Variants in SP140L observed in about 807,000 individuals in gnomAD.
SP140L encodes nuclear body protein SP140-like protein.
SP140L carries 64 observed loss-of-function variants against 84.3 expected under a neutral mutation model. The observed-to-expected ratio is 0.76, with a 90% confidence interval of 0.62 to 0.94. The LOEUF is 0.94. Ranked by LOEUF, SP140L falls within the 40% of genes least tolerant of loss-of-function variation. The pLI is 0.00. For synonymous variants in SP140L, 242 were observed against 236.9 expected, an observed-to-expected ratio of 1.02 and a Z score of -0.20; for missense variants, 628 against 692.5, an observed-to-expected ratio of 0.91 and a Z score of 1.05.
intron 12 of SP140L, 38 bp from the exon 13 acceptor site, chr2:230,393,376 G>A (rs749149979): frequency 1.3e-5 from 20 of 1,559,046 alleles, no homozygotes; most frequent in Middle Eastern, 3.3e-4. Flanking sequence ...AAACAGAAAC[G>A]CAGGCTGACT....
chr2:230,377,444 G>A (rs2061278915), intron 7 of SP140L, among the ~76,000 whole-genome samples: 1 of 152,134 alleles, frequency 6.6e-6, no homozygotes, highest in South Asian at 2.1e-4. Flanking sequence ...TAATGCTTTT[G>A]AGATACATCC....
chr2:230,362,602 T>G (rs2149742730), intron 5 of SP140L, among the ~76,000 whole-genome samples: 1 of 134,042 alleles, frequency 7.5e-6, no homozygotes, highest in South Asian at 2.5e-4. Context: ...AACCATGTTA[T>G]TAACAGCTCA....
At chr2:230,394,603 C>T (rs75468189) in intron 13 of SP140L, among the ~76,000 whole-genome samples, 40,691 of 152,062 alleles carry the variant, frequency 0.27, 5,763 homozygotes, top group Non-Finnish European at 0.31. Flanking sequence ...AGTAACTCAG[C>T]CTGGGTGACC....
rs1012814978 is a variant in SP140L at position 230,371,792 on chromosome 2, T to C, written c.637+141T>C. 1.2e-5 allele frequency: 9 copies of C among 727,916 alleles called. No homozygotes were observed. The African/African-American group carries it at 1.4e-4, about 12-fold the overall frequency. The allele number at this position is 727,916 out of a possible 1,614,324, so 45.1% of individuals were successfully genotyped here. ...AGAATGATGGCCACCCCAAAAAACG[T>C]CCACCTCCTAATCCCTGGACCTGTA... is the stretch of plus-strand genomic sequence containing the variant. On this transcript the variant is annotated intron_variant, in intron 7 of 18. Coordinates refer to ENST00000415673, the MANE Select transcript of SP140L (RefSeq NM_138402.6).
chr2:230,357,850 C>A lies in SP140L; in HGVS notation c.153C>A (p.Asp51Glu). The A allele has an allele frequency of 6.2e-7, 1 of 1,613,990 alleles. No individual in the cohort carries two copies. Among genetic ancestry groups the A allele is most frequent in the African/African-American group, 1.3e-5 (1 of 75,036 alleles). The part of the protein sequence containing the change: ...DQDVDEGLVY[D>E]TVFKHFKRHK... ...ATGTAGATGAGGGACTTGTCTATGA[C>A]ACTGTATTCAAGCACTTCAAAAGAC... is the stretch of plus-strand genomic sequence containing the variant. The change falls in exon 3 of 19, where the codon GAC (aspartate) becomes GAA (glutamate). Residue 51 changes from aspartate to glutamate, a missense_variant. Asp to Glu is a conservative substitution (Grantham distance 45, BLOSUM62 2). This residue lies in a region of SP140L where 525 missense variants were observed against 518.4 expected (regional missense o/e 1.01). Transcript: ENST00000415673.
chr2:230,376,622 A>T (rs1033903854), intron 7 of SP140L, among the ~76,000 whole-genome samples: 1 of 152,240 alleles, frequency 6.6e-6, no homozygotes, highest in Non-Finnish European at 1.5e-5. Context: ...AAACTGGAAG[A>T]ATATTGTTAA....
chr2:230,357,785 T>C lies in SP140L; in HGVS notation c.108-20T>C. On this transcript the variant is annotated intron_variant, in intron 2 of 18. Transcript: ENST00000415673. ...TCAGAATCTTGATGACCATTTTCAT[T>C]TGGTGTCCTTTTTCCTTAGGCTGTT... The C allele has an allele frequency of 8.2e-6, 13 of 1,588,940 alleles. No individual in the cohort carries two copies. The highest frequency in any genetic ancestry group is 1.1e-5 in the South Asian group (1 of 87,172).
intron 4 of SP140L, among the ~76,000 whole-genome samples, chr2:230,361,398 C>T (rs1305155405): frequency 1.3e-5 from 2 of 152,194 alleles, no homozygotes; most frequent in African/African-American, 2.4e-5. Flanking sequence ...TTCCATTACT[C>T]CTTTATCCTT....
intron 15 of SP140L, 42 bp downstream of exon 15, chr2:230,400,284 C>T (rs1182413335): frequency 1.3e-6 from 2 of 1,589,334 alleles, no homozygotes; most frequent in South Asian, 1.1e-5. Flanking sequence ...CTTTAAGGGA[C>T]CTTCCACCTG....
chr2:230,339,938 G>C (rs926215828), intron 2 of SP140L, among the ~76,000 whole-genome samples: 5 of 150,914 alleles, frequency 3.3e-5, no homozygotes, highest in African/African-American at 1.2e-4. Context: ...TTTTGGAATA[G>C]GTGTGGTGCT....
intron 2 of SP140L, among the ~76,000 whole-genome samples, chr2:230,349,937 G>C (rs2060317112): frequency 6.6e-6 from 1 of 151,988 alleles, no homozygotes. Flanking sequence ...TGAATCCAGG[G>C]GGCAGAGGTT....
intron 13 of SP140L, among the ~76,000 whole-genome samples, chr2:230,395,359 C>T (rs1330494568): frequency 1.3e-5 from 2 of 152,040 alleles, no homozygotes; most frequent in African/African-American, 2.4e-5. Flanking sequence ...GGGAGGATGA[C>T]TTGAGCTCAG....
intron 2 of SP140L, among the ~76,000 whole-genome samples, chr2:230,350,995 G>T (rs1054085660): frequency 6.6e-6 from 1 of 152,096 alleles, no homozygotes; most frequent in Admixed American, 6.6e-5. Context: ...AGGAGAGAAG[G>T]TTGGATCATT....
intron 11 of SP140L, among the ~76,000 whole-genome samples, chr2:230,391,149 CTT>C (rs760112210): frequency 4.6e-5 from 7 of 152,192 alleles, no homozygotes; most frequent in Non-Finnish European, 8.8e-5. Flanking sequence ...TATTTTCACT[CTT>C]TGGCTGTTAT....
intron 2 of SP140L, among the ~76,000 whole-genome samples, chr2:230,352,577 A>G (rs1473796757): frequency 6.6e-6 from 1 of 152,110 alleles, no homozygotes; most frequent in African/African-American, 2.4e-5. Context: ...TTTCCAACAC[A>G]TGGGGATTAC....
intron 5 of SP140L, among the ~76,000 whole-genome samples, chr2:230,367,811 A>C (rs2060935796): frequency 6.6e-6 from 1 of 152,204 alleles, no homozygotes; most frequent in South Asian, 2.1e-4. Context: ...ACGTGCCTGT[A>C]ACCCCAGCTA....
intron 15 of SP140L, chr2:230,400,662 AGGCCT>A: frequency 1.7e-6 from 1 of 594,848 alleles, no homozygotes; most frequent in South Asian, 2.0e-5. Flanking sequence ...TCTGACACAC[AGGCCT>A]GGCAGGCAGG....
chr2:230,368,299 G>A (rs766560853), intron 5 of SP140L, among the ~76,000 whole-genome samples: 3 of 151,932 alleles, frequency 2.0e-5, no homozygotes, highest in East Asian at 1.9e-4. Context: ...GTCATTTCAC[G>A]GTTTCCTGGT....
At chr2:230,366,464 G>T (rs558540060) in intron 5 of SP140L, among the ~76,000 whole-genome samples, 1 of 151,572 alleles carries the variant, frequency 6.6e-6, no homozygotes, top group African/African-American at 2.4e-5. Context: ...TTGCATTTGC[G>T]TGGAATATTC....
Sources: allele counts gnomAD v4.1 joint callset (sites outside exome capture counted in the v4.1 genomes callset), GRCh38; gene constraint gnomAD v4.1.1; regional missense constraint gnomAD v4.1.1; transcripts MANE v1.5; gene names NCBI Gene and HGNC (gene_info 2026-07-23, HGNC 2026-07-21).